Variants in CSE1L observed in about 807,000 individuals in gnomAD.
CSE1L encodes the protein exportin-2.
Under a neutral mutation model 120.4 loss-of-function variants are expected in CSE1L, and 24 were observed. The observed-to-expected ratio is 0.20, with a 90% CI of 0.14 to 0.28. The LOEUF (loss-of-function observed/expected upper bound fraction) is 0.28. Among genes scored for constraint, CSE1L ranks in the 10% least tolerant of loss-of-function variants. The pLI is 1.00. For missense variants in CSE1L, 830 were observed against 1,145.2 expected (o/e 0.72, Z 3.97); for synonymous variants, 402 against 398.3 (o/e 1.01, Z -0.11).
intron 2 of CSE1L, among the ~76,000 whole-genome samples, chr20:49,059,072 A>G (rs1157111678): frequency 1.3e-5 from 2 of 151,500 alleles, no homozygotes; most frequent in Non-Finnish European, 2.9e-5. Flanking sequence ...CAGAGCTTGC[A>G]GTGAGCCGAG....
intron 8 of CSE1L, 118 bp from the exon 9 acceptor site, chr20:49,072,168 T>A (rs2091937289): frequency 1.2e-5 from 13 of 1,090,590 alleles, no homozygotes. Flanking sequence ...TAGTTTACAA[T>A]AACTGATTTG....
intron 1 of CSE1L, among the ~76,000 whole-genome samples, chr20:49,049,420 A>G (rs1018503406): frequency 5.9e-5 from 9 of 152,130 alleles, no homozygotes; most frequent in Admixed American, 4.6e-4. Context: ...GACTCAACCA[A>G]TCTGCTTACC....
Position 49,094,876 on chromosome 20 carries a change from G to C in CSE1L, c.2739G>C (p.Glu913Asp). ...AGTTGGCATTTGCTGGGAAAAAAGA[G>C]CATGATCCTGTAGGTCAAATGGTGA... is the stretch of plus-strand genomic sequence containing the variant. Reference protein sequence around the residue: ...FSQLAFAGKKEHDPVGQMVNN... With the variant: ...FSQLAFAGKKDHDPVGQMVNN... Residue 913 changes from glutamate to aspartate, a missense_variant, in exon 24 of 25, where the codon GAG (glutamate) becomes GAC (aspartate). Coordinates refer to ENST00000262982, the MANE Select transcript of CSE1L (RefSeq NM_001316.4). The C allele has an allele frequency of 5.0e-6, 8 of 1,614,162 alleles. No homozygotes were observed. Among genetic ancestry groups the C allele is most frequent in the South Asian group, 1.1e-5 (1 of 91,084 alleles).
At chr20:49,083,402 A>G (rs2092029584) in intron 14 of CSE1L, among the ~76,000 whole-genome samples, 1 of 152,168 alleles carries the variant, frequency 6.6e-6, no homozygotes, top group Non-Finnish European at 1.5e-5. Flanking sequence ...GACTACAGGA[A>G]TTCACTACCA....
rs768423176 is a variant in CSE1L at position 49,072,406 on chromosome 20, A to G, written c.889A>G (p.Ile297Val). The change falls in exon 9 of 25, where the codon ATC becomes GTC. Residue 297 changes from isoleucine to valine, a missense_variant. Ile to Val is a conservative substitution (Grantham distance 29, BLOSUM62 3). Around this residue, in one of 4 missense-constraint regions of CSE1L, gnomAD observed 543 missense variants for 640.2 expected, o/e 0.85. Coordinates refer to ENST00000262982, the MANE Select transcript of CSE1L (RefSeq NM_001316.4). ...QRYLPRFVTA[I>V]WNLLVTTGQE... The stretch of plus-strand genomic sequence containing the variant: ...ATACCTGCCTCGTTTTGTTACAGCC[A>G]TCTGGAATTTACTAGTTACAACGGG... The G allele has an allele frequency of 3.1e-6, 5 of 1,614,220 alleles. No individual in the cohort carries two copies. Among genetic ancestry groups the G allele is most frequent in the Admixed American group, 3.3e-5 (2 of 60,010 alleles).
At chr20:49,088,920 CAT>C (rs1440232253) in intron 17 of CSE1L, among the ~76,000 whole-genome samples, 2 of 152,092 alleles carry the variant, frequency 1.3e-5, no homozygotes, top group Non-Finnish European at 2.9e-5. Context: ...AGTAAGTAGA[CAT>C]AGACATTGAG....
chr20:49,092,379 C>T (rs1487103221), intron 22 of CSE1L, among the ~76,000 whole-genome samples: 1 of 151,872 alleles, frequency 6.6e-6, no homozygotes, highest in African/African-American at 2.4e-5. Context: ...TGAGACCAGC[C>T]TGGGCAATAT....
chr20:49,076,280 C>T (rs1374901607), intron 12 of CSE1L, among the ~76,000 whole-genome samples: 8 of 152,132 alleles, frequency 5.3e-5, no homozygotes, highest in East Asian at 1.9e-4. Flanking sequence ...CTCCGTTTGC[C>T]GGGTTCAAGT....
At chr20:49,064,624 G>T (rs2091877083) in intron 3 of CSE1L, among the ~76,000 whole-genome samples, 1 of 152,118 alleles carries the variant, frequency 6.6e-6, no homozygotes, top group Non-Finnish European at 1.5e-5. Context: ...GAGATGAGGG[G>T]ATCACTTGTG....
chr20:49,078,074 T>A (rs1339428304), intron 13 of CSE1L, among the ~76,000 whole-genome samples: 1 of 152,222 alleles, frequency 6.6e-6, no homozygotes, highest in East Asian at 1.9e-4. Context: ...TATTCCTTTT[T>A]AAAAAAAATA....
intron 2 of CSE1L, among the ~76,000 whole-genome samples, chr20:49,059,155 G>C (rs1015229938): frequency 2.6e-5 from 4 of 151,274 alleles, no homozygotes; most frequent in Non-Finnish European, 5.9e-5. Flanking sequence ...GCCTGCTTTA[G>C]AGATAAAATA....
intron 1 of CSE1L, among the ~76,000 whole-genome samples, chr20:49,050,455 T>A (rs1338086310): frequency 7.2e-6 from 1 of 138,312 alleles, no homozygotes; most frequent in Non-Finnish European, 1.5e-5. Flanking sequence ...AGAGCTAGAG[T>A]GCAATGGTGC....
At chr20:49,085,246 A>AGTT in intron 15 of CSE1L, 37 bp from the exon 16 acceptor site, 1 of 1,503,434 alleles carries the variant, frequency 6.7e-7, no homozygotes. Flanking sequence ...CAAGCTCAAG[A>AGTT]GTTGGTAGTG....
At chr20:49,089,051 A>G (rs2145751585) in intron 17 of CSE1L, among the ~76,000 whole-genome samples, 196 bp from the exon 18 acceptor site, 1 of 152,230 alleles carries the variant, frequency 6.6e-6, no homozygotes, top group East Asian at 1.9e-4. Context: ...GCAACTCTGT[A>G]ACTCTGAAGT....
intron 14 of CSE1L, among the ~76,000 whole-genome samples, chr20:49,082,663 C>T (rs1407778735): frequency 3.3e-5 from 5 of 152,082 alleles, no homozygotes; most frequent in African/African-American, 1.2e-4. Context: ...GGACTACAGG[C>T]TACCGCCACC....
intron 1 of CSE1L, among the ~76,000 whole-genome samples, chr20:49,051,185 G>C (rs2091763646): frequency 6.6e-6 from 1 of 152,190 alleles, no homozygotes; most frequent in Admixed American, 6.6e-5. Flanking sequence ...GAGAGTAACT[G>C]AGGTGAATGC....
At chr20:49,090,569 A>AT (rs1190026865) in intron 19 of CSE1L, among the ~76,000 whole-genome samples, 173 bp from the exon 20 acceptor site, 1 of 152,202 alleles carries the variant, frequency 6.6e-6, no homozygotes, top group Non-Finnish European at 1.5e-5. Flanking sequence ...AGAAAAAAAA[A>AT]ATTACTTTAA....
chr20:49,070,123 T>C, intron 7 of CSE1L, 82 bp from the exon 8 acceptor site: 1 of 657,116 alleles, frequency 1.5e-6, no homozygotes, highest in Non-Finnish European at 2.7e-6. Flanking sequence ...ATAAAATGTT[T>C]TGTCCACGTG....
At chr20:49,062,638 A>T in intron 2 of CSE1L, among the ~76,000 whole-genome samples, 1 of 152,080 alleles carries the variant, frequency 6.6e-6, no homozygotes, top group Non-Finnish European at 1.5e-5. Context: ...TGTGATCTTG[A>T]ACAAGTTACT....
Sources: allele counts gnomAD v4.1 joint callset (sites outside exome capture counted in the v4.1 genomes callset), GRCh38; gene constraint gnomAD v4.1.1; regional missense constraint gnomAD v4.1.1; transcripts MANE v1.5; gene names NCBI Gene and HGNC (gene_info 2026-07-23, HGNC 2026-07-21).